RAB33B: variants seen among roughly 807,000 people sequenced by gnomAD.
RAB33B encodes ras-related protein Rab-33B.
Under a neutral mutation model 15.0 loss-of-function variants are expected in RAB33B, and 6 were observed. That is an observed-to-expected ratio of 0.40 (90% CI 0.22 to 0.79). RAB33B has a LOEUF of 0.79. RAB33B is among the 30% of genes least tolerant of loss of function. RAB33B has a pLI of 0.37. For synonymous variants in RAB33B, 117 were observed against 108.3 expected, an observed-to-expected ratio of 1.08 and a Z score of -0.50; for missense variants, 257 against 296.4, an observed-to-expected ratio of 0.87 and a Z score of 0.98.
chr4:139,444,427 T>C, the RAB33B span, among the ~76,000 whole-genome samples: 3 of 152,068 alleles, frequency 2.0e-5, no homozygotes, highest in Admixed American at 6.6e-5. Flanking sequence ...CCAAAACCCC[T>C]TGAATGAAGG....
chr4:139,458,323 T>C (rs114009008), intron 1 of RAB33B, among the ~76,000 whole-genome samples: 1 of 152,162 alleles, frequency 6.6e-6, no homozygotes, highest in South Asian at 2.1e-4. Flanking sequence ...CAGGGGTACA[T>C]GTGCAGGTTT....
chr4:139,464,317 T>G (rs1354525976), intron 1 of RAB33B, among the ~76,000 whole-genome samples: 1 of 151,598 alleles, frequency 6.6e-6, no homozygotes, highest in Non-Finnish European at 1.5e-5. Flanking sequence ...CATACCTCTG[T>G]GTTCTGGAAG....
At chr4:139,465,354 A>T (rs1313416295) in intron 1 of RAB33B, among the ~76,000 whole-genome samples, 1 of 152,126 alleles carries the variant, frequency 6.6e-6, no homozygotes, top group African/African-American at 2.4e-5. Context: ...GTTCACTCTG[A>T]TGGTAGTTTG....
At chr4:139,439,627 T>C in the RAB33B span, among the ~76,000 whole-genome samples, 5 of 152,182 alleles carry the variant, frequency 3.3e-5, 1 homozygote, top group African/African-American at 1.2e-4. Context: ...GCCTTTTCTC[T>C]CTCTTCTCCT....
chr4:139,459,631 C>CT (rs377126007), intron 1 of RAB33B, among the ~76,000 whole-genome samples: 21,626 of 142,518 alleles, frequency 0.15, 1,810 homozygotes, highest in Non-Finnish European at 0.2. Flanking sequence ...TAGTTCAGTT[C>CT]TTTTTTTTTT....
intron 1 of RAB33B, among the ~76,000 whole-genome samples, chr4:139,469,844 A>T (rs1041876477): frequency 6.6e-6 from 1 of 152,228 alleles, no homozygotes; most frequent in Admixed American, 6.5e-5. Flanking sequence ...TCTTCCAAAC[A>T]TACAGAGTCT....
chr4:139,464,766 AT>A (rs1182322410), intron 1 of RAB33B, among the ~76,000 whole-genome samples: 3 of 152,004 alleles, frequency 2.0e-5, no homozygotes, highest in Non-Finnish European at 4.4e-5. Flanking sequence ...TATGTGCCAC[AT>A]TTTCTTAATA....
chr4:139,445,804 A>G, the RAB33B span, among the ~76,000 whole-genome samples: 1 of 152,040 alleles, frequency 6.6e-6, no homozygotes, highest in Non-Finnish European at 1.5e-5. Flanking sequence ...TGTCAGTGAC[A>G]CCTCAAGGGA....
At chr4:139,454,010 T>C (rs1032910705), upstream of RAB33B, 1 of 592,312 alleles carries the variant, frequency 1.7e-6, no homozygotes, top group South Asian at 2.7e-5. Flanking sequence ...GGCGGGCGGG[T>C]GCCACACCTG....
chr4:139,454,475 A>G (rs1196006340), intron 1 of RAB33B, 31 bp downstream of exon 1: 3 of 1,595,794 alleles, frequency 1.9e-6, no homozygotes, highest in Non-Finnish European at 2.6e-6. Context: ...TGGGGAGGAC[A>G]GGGTGACAGG....
Position 139,473,154 on chromosome 4 carries a change from T to G in RAB33B, c.*28T>G. The stretch of plus-strand genomic sequence containing the variant: ...AACAGTCTTTATTATATTATCTAAT[T>G]TTGACTAAAGAAATACTTTTGAAGT... On this transcript the variant is annotated 3_prime_UTR_variant, in exon 2 of 2. Transcript: ENST00000305626. 6.6e-7 allele frequency: 1 copy of G among 1,524,580 alleles called. No homozygotes were observed. 94.4% of individuals were successfully genotyped at this position (1,524,580 alleles called of 1,614,324 possible). A position where few individuals can be genotyped will look rare whatever the true frequency, so the allele number is the denominator to read the frequency against.
chr4:139,465,922 C>G (rs1750276026), intron 1 of RAB33B, among the ~76,000 whole-genome samples: 1 of 147,844 alleles, frequency 6.8e-6, no homozygotes, highest in Admixed American at 6.7e-5. Flanking sequence ...GAGACGAGGT[C>G]TCACTGGTAG....
At chr4:139,460,915 C>A (rs899007790) in intron 1 of RAB33B, among the ~76,000 whole-genome samples, 1 of 152,108 alleles carries the variant, frequency 6.6e-6, no homozygotes. Context: ...ATTTCAGAAG[C>A]CTATGATTCT....
At position 139,454,265 on chromosome 4, in the gene RAB33B, G is replaced by C. The variant is rs776574187; in HGVS notation, c.70G>C (p.Gly24Arg). 2.4e-5 allele frequency: 38 copies of C among 1,614,076 alleles called. No individual in the cohort carries two copies. The highest frequency in any genetic ancestry group is 8.9e-5 in the East Asian group (4 of 44,894). ...CAGCGGGGCAGTGTCAGGGGCCTCA[G>C]GGTTTTTGCCTCCTGCCCGCTCCCG... is the stretch of plus-strand genomic sequence containing the variant. ...SSSGAVSGAS[G>R]FLPPARSRIF... The change falls in exon 1 of 2, where the codon GGG becomes CGG. Residue 24 changes from glycine to arginine, a missense_variant. Physicochemically the swap from Gly to Arg is moderately radical, Grantham distance 125. Transcript: ENST00000305626.
Position 139,474,708 on chromosome 4 carries a change from T to C in RAB33B, c.*1582T>C, listed in dbSNP as rs1750467172. 1 of 152,652 alleles carries C rather than the reference T, an allele frequency of 6.6e-6. No homozygotes were observed. Among genetic ancestry groups the C allele is most frequent in the South Asian group, 2.1e-4 (1 of 4,832 alleles). 9.5% of individuals were successfully genotyped at this position (152,652 alleles called of 1,614,324 possible). A position where few individuals can be genotyped will look rare whatever the true frequency, so the allele number is the denominator to read the frequency against. On this transcript the variant is annotated 3_prime_UTR_variant, in exon 2 of 2. Transcript: ENST00000305626. ...GAATATTTCAAGAAGTTTTTTAACCTAAATACTTTTATTTTGAATTTAAGT... is the reference window on the plus strand; with the variant it reads ...GAATATTTCAAGAAGTTTTTTAACCCAAATACTTTTATTTTGAATTTAAGT...
chr4:139,444,641 A>G, the RAB33B span, among the ~76,000 whole-genome samples: 1 of 152,176 alleles, frequency 6.6e-6, no homozygotes, highest in Non-Finnish European at 1.5e-5. Flanking sequence ...CCAAAATGTC[A>G]CTGTGGTCCT....
intron 1 of RAB33B, among the ~76,000 whole-genome samples, chr4:139,464,594 T>C (rs1479903735): frequency 6.6e-6 from 1 of 152,142 alleles, no homozygotes; most frequent in African/African-American, 2.4e-5. Flanking sequence ...TGTGTCCAAG[T>C]GTTCTCATTG....
rs1750499889 is a variant in RAB33B, at chr4:139,476,254, A to G, written c.*3128A>G. The G allele has an allele frequency of 6.6e-6, 1 of 152,250 alleles. No individual in the cohort carries two copies. The highest frequency in any genetic ancestry group is 2.1e-4 in the South Asian group (1 of 4,832). 9.4% of individuals were successfully genotyped at this position (152,250 alleles called of 1,614,324 possible). Reference sequence around the variant, plus strand: ...CGTAAAAGCATTTAACAGAATGAATAACTATAGAAAGTATGAGAAAAGAGA... The same window carrying G: ...CGTAAAAGCATTTAACAGAATGAATGACTATAGAAAGTATGAGAAAAGAGA... On this transcript the variant is annotated 3_prime_UTR_variant, in exon 2 of 2. Coordinates refer to ENST00000305626, the MANE Select transcript of RAB33B (RefSeq NM_031296.3).
the RAB33B span, among the ~76,000 whole-genome samples, chr4:139,447,881 A>G: frequency 6.6e-6 from 1 of 151,626 alleles, no homozygotes; most frequent in Admixed American, 6.6e-5. Context: ...TTTAGCTGGG[A>G]TGGTCTCGAT....
Sources: allele counts gnomAD v4.1 joint callset (sites outside exome capture counted in the v4.1 genomes callset), GRCh38; gene constraint gnomAD v4.1.1; transcripts MANE v1.5; gene names NCBI Gene and HGNC (gene_info 2026-07-23, HGNC 2026-07-21).